CDH13: variants seen among roughly 807,000 people sequenced by gnomAD.
The protein encoded by CDH13 is cadherin-13.
In CDH13, 24 loss-of-function variants were observed where a neutral mutation model predicts 63.8. The ratio of observed to expected loss-of-function variants is 0.38; its 90% CI spans 0.27 to 0.53. The LOEUF is 0.53. Ranked by LOEUF, CDH13 falls within the 20% of genes least tolerant of loss-of-function variation. The pLI is 0.85. For synonymous variants in CDH13, 503 were observed against 355.3 expected, an observed-to-expected ratio of 1.42 and a Z score of -4.67; for missense variants, 1,049 against 903.1, an observed-to-expected ratio of 1.16 and a Z score of -2.07.
intron 2 of CDH13, among the ~76,000 whole-genome samples, chr16:82,924,889 T>C (rs1249319108): frequency 6.6e-6 from 1 of 152,242 alleles, no homozygotes; most frequent in African/African-American, 2.4e-5. Flanking sequence ...CTGGTAATTC[T>C]TGTTTTTAAA....
intron 10 of CDH13, among the ~76,000 whole-genome samples, chr16:83,688,378 G>T (rs1361952291): frequency 1.3e-5 from 2 of 152,166 alleles, no homozygotes; most frequent in Non-Finnish European, 2.9e-5. Flanking sequence ...TTTATTGGGA[G>T]GAAGGAGGAT....
intron 4 of CDH13, among the ~76,000 whole-genome samples, chr16:83,211,340 T>C (rs1020799061): frequency 5.9e-5 from 9 of 152,170 alleles, no homozygotes; most frequent in African/African-American, 1.9e-4. Context: ...GTAATAGTTC[T>C]GTAAATCTAA....
At chr16:83,073,646 C>T (rs771518625) in intron 3 of CDH13, among the ~76,000 whole-genome samples, 15 of 151,970 alleles carry the variant, frequency 9.9e-5, no homozygotes, top group Admixed American at 3.9e-4. Context: ...TTGAACTTGA[C>T]GAAACAGAGA....
rs139845233 is a variant in CDH13 at position 83,220,959 on chromosome 16, T to C, written c.636+3462T>C. On this transcript the variant is annotated intron_variant, in intron 5 of 13. Coordinates refer to ENST00000567109, the MANE Select transcript of CDH13 (RefSeq NM_001257.5). ...ATGCTAAACACTTTGTATAATTCTC[T>C]TATTTAATCCATTTCACACAAGAGA... Among the ~76,000 whole-genome samples the C allele has an allele frequency of 4.7e-3, 720 of 152,354 alleles. 4 individuals carry two copies. The highest frequency in any genetic ancestry group is 0.015 in the African/African-American group (616 of 41,584).
chr16:83,657,661 ATCAG>A (rs1461556344), intron 8 of CDH13, among the ~76,000 whole-genome samples: 3 of 152,342 alleles, frequency 2.0e-5, no homozygotes, highest in South Asian at 4.1e-4. Flanking sequence ...TGTCTGCAGA[ATCAG>A]TCAGTGGAAG....
intron 1 of CDH13, among the ~76,000 whole-genome samples, chr16:82,768,168 T>C (rs1005285960): frequency 1.3e-5 from 2 of 152,190 alleles, no homozygotes; most frequent in African/African-American, 2.4e-5. Context: ...TACACAATCA[T>C]GCAACATGTG....
intron 9 of CDH13, among the ~76,000 whole-genome samples, chr16:83,675,517 C>G (rs1272913498): frequency 2.0e-5 from 3 of 152,204 alleles, no homozygotes; most frequent in Non-Finnish European, 4.4e-5. Context: ...GGGGAAATGA[C>G]TCTTGCAGCT....
At chr16:82,652,100 T>G (rs1052001450) in intron 1 of CDH13, among the ~76,000 whole-genome samples, 2 of 152,208 alleles carry the variant, frequency 1.3e-5, no homozygotes, top group Admixed American at 6.5e-5. Context: ...AAAGCAAAGT[T>G]ATTGGAACAT....
chr16:82,894,982 G>A (rs2041205329), intron 2 of CDH13, among the ~76,000 whole-genome samples: 1 of 152,114 alleles, frequency 6.6e-6, no homozygotes, highest in Non-Finnish European at 1.5e-5. Context: ...GATCTTGTGG[G>A]GCCTTTTATG....
At chr16:83,080,886 T>TTTTTTTTTTTTTTTTTTG in intron 3 of CDH13, among the ~76,000 whole-genome samples, 1 of 117,406 alleles carries the variant, frequency 8.5e-6, no homozygotes, top group Non-Finnish European at 1.7e-5. Context: ...TTTTTTTTTT[T>TTTTTTTTTTTTTTTTTTG]TTTTTTTTTT....
chr16:83,477,778 C>G (rs1248216668), intron 6 of CDH13, among the ~76,000 whole-genome samples: 1 of 152,106 alleles, frequency 6.6e-6, no homozygotes, highest in African/African-American at 2.4e-5. Flanking sequence ...GGCCTCAGAC[C>G]GAAGCTTGCC....
Position 83,797,135 on chromosome 16 carries a change from G to C in CDH13, c.*2105G>C, listed in dbSNP as rs1358532219. On this transcript the variant is annotated 3_prime_UTR_variant, in exon 14 of 14. Coordinates refer to ENST00000567109, the MANE Select transcript of CDH13 (RefSeq NM_001257.5). Reference sequence around the variant, plus strand: ...CTCCCCTCTTCCTGCAAGGCAGGGGGAGAACGTTCATCCTTGAACAAACAA... The same window carrying C: ...CTCCCCTCTTCCTGCAAGGCAGGGGCAGAACGTTCATCCTTGAACAAACAA... The C allele has an allele frequency of 6.6e-6, 1 of 152,250 alleles. No homozygotes were observed. The highest frequency in any genetic ancestry group is 1.5e-5 in the Non-Finnish European group (1 of 68,046). The allele number at this position is 152,250 out of a possible 1,614,324, so 9.4% of individuals were successfully genotyped here. A position where few individuals can be genotyped will look rare whatever the true frequency, so the allele number is the denominator to read the frequency against.
intron 3 of CDH13, among the ~76,000 whole-genome samples, chr16:83,073,087 C>G (rs72796241): frequency 6.6e-6 from 1 of 151,974 alleles, no homozygotes; most frequent in African/African-American, 2.4e-5. Flanking sequence ...ACGAACTCCT[C>G]GTGACAACCT....
intron 6 of CDH13, among the ~76,000 whole-genome samples, chr16:83,365,039 C>A (rs568532190): frequency 6.6e-6 from 1 of 152,272 alleles, no homozygotes; most frequent in South Asian, 2.1e-4. Flanking sequence ...TGTAATAAAC[C>A]TACACGTTCT....
At chr16:83,216,400 A>ATATATATATG (rs1340467637) in intron 4 of CDH13, among the ~76,000 whole-genome samples, 610 of 40,008 alleles carry the variant, frequency 0.015, 59 homozygotes, top group Non-Finnish European at 0.019. Context: ...GCATTGAAAT[A>ATATATATATG]TATATATATA....
intron 1 of CDH13, among the ~76,000 whole-genome samples, chr16:82,688,548 G>A (rs986809237): frequency 6.6e-6 from 1 of 152,112 alleles, no homozygotes; most frequent in Non-Finnish European, 1.5e-5. Flanking sequence ...AATATTTATT[G>A]AATAAAACAT....
Position 82,928,536 on chromosome 16 carries a change from C to T in CDH13, c.157+70063C>T, listed in dbSNP as rs182780097. On this transcript the variant is annotated intron_variant, in intron 2 of 13. Coordinates refer to ENST00000567109, the MANE Select transcript of CDH13 (RefSeq NM_001257.5). ...TCATCCTTACTCAATATCTGCCAATCCTTTGGGCAACATAGAATATTCTAC... is the reference window on the plus strand; with the variant it reads ...TCATCCTTACTCAATATCTGCCAATTCTTTGGGCAACATAGAATATTCTAC... Among the ~76,000 whole-genome samples the T allele has an allele frequency of 2.1e-3, 315 of 152,300 alleles. 3 individuals carry two copies. Among genetic ancestry groups the T allele is most frequent in the Non-Finnish European group, 1.3e-3 (88 of 68,030 alleles).
intron 5 of CDH13, among the ~76,000 whole-genome samples, chr16:83,284,331 C>T (rs577669174): frequency 2.0e-5 from 3 of 152,096 alleles, no homozygotes; most frequent in Non-Finnish European, 4.4e-5. Context: ...TGACTTTGAG[C>T]AAATTGCCTG....
intron 6 of CDH13, among the ~76,000 whole-genome samples, chr16:83,427,512 T>G (rs2071948846): frequency 6.6e-6 from 1 of 152,180 alleles, no homozygotes; most frequent in Non-Finnish European, 1.5e-5. Context: ...CTAACCCCCA[T>G]GAGACTGATC....
Sources: gnomAD v4.1 joint callset for allele counts (sites outside exome capture counted in the v4.1 genomes callset) on GRCh38, gnomAD v4.1.1 for gene constraint, MANE v1.5 for transcripts, NCBI Gene and HGNC (gene_info 2026-07-23, HGNC 2026-07-21) for gene names.